The following CHN1 variants were observed in gnomAD, a reference collection of about 807,000 sequenced individuals.
CHN1 encodes the protein chimerin 1.
In CHN1, 37 loss-of-function variants were observed where a neutral mutation model predicts 59.5. The observed-to-expected ratio is 0.62, with a 90% CI of 0.48 to 0.82. CHN1 has a LOEUF of 0.82. Among genes scored for constraint, CHN1 ranks in the 40% least tolerant of loss-of-function variants. The pLI is 0.00. For synonymous variants in CHN1, 206 were observed against 200.4 expected, an observed-to-expected ratio of 1.03 and a Z score of -0.24; for missense variants, 469 against 571.0, an observed-to-expected ratio of 0.82 and a Z score of 1.82.
chr2:174,869,071 TA>T (rs1687318579), intron 6 of CHN1, among the ~76,000 whole-genome samples: 1 of 152,150 alleles, frequency 6.6e-6, no homozygotes, highest in Non-Finnish European at 1.5e-5. Flanking sequence ...AGTCAATGAT[TA>T]AAGGAGGGCT....
chr2:174,883,135 C>A (rs1574123620), intron 5 of CHN1, among the ~76,000 whole-genome samples: 1 of 152,196 alleles, frequency 6.6e-6, no homozygotes, highest in Admixed American at 6.5e-5. Context: ...GTGGAACTCA[C>A]ATAGCTCTGG....
intron 5 of CHN1, among the ~76,000 whole-genome samples, chr2:174,897,489 C>T (rs530976325): frequency 1.3e-5 from 2 of 148,340 alleles, no homozygotes; most frequent in African/African-American, 5.0e-5. Flanking sequence ...AGGTCTTAGA[C>T]GTGTTTGTTC....
At chr2:174,891,800 A>C (rs1421069454) in intron 5 of CHN1, among the ~76,000 whole-genome samples, 1 of 152,034 alleles carries the variant, frequency 6.6e-6, no homozygotes, top group East Asian at 1.9e-4. Context: ...CAAAATAGAC[A>C]CTAGAAAAAC....
At chr2:174,982,912 C>G (rs955018719) in intron 1 of CHN1, among the ~76,000 whole-genome samples, 54 of 152,044 alleles carry the variant, frequency 3.6e-4, no homozygotes, top group African/African-American at 1.3e-3. Flanking sequence ...CAATGAGATT[C>G]AGAAGCATTT....
intron 3 of CHN1, among the ~76,000 whole-genome samples, chr2:174,923,852 A>G (rs1284357848): frequency 6.6e-6 from 1 of 152,232 alleles, no homozygotes; most frequent in Non-Finnish European, 1.5e-5. Context: ...CTTTACCCAA[A>G]ATAATTTTGA....
At position 174,939,798 on chromosome 2, in the gene CHN1, TA is replaced by T. The variant is rs200050144; in HGVS notation, c.114+5089del. Among the ~76,000 whole-genome samples the T allele has an allele frequency of 8.1e-3, 1,239 of 152,272 alleles. 19 individuals carry two copies. Among genetic ancestry groups the T allele is most frequent in the African/African-American group, 0.028 (1,176 of 41,548 alleles). On this transcript the variant is annotated intron_variant, in intron 3 of 12. Coordinates refer to ENST00000409900, the MANE Select transcript of CHN1 (RefSeq NM_001822.7). The stretch of plus-strand genomic sequence containing the variant: ...AGGCAATAATCAAGTACCTCATACT[TA>T]ATTCTATGCTTACATATACACAGAC...
chr2:174,921,681 T>G (rs909174247), intron 3 of CHN1, among the ~76,000 whole-genome samples: 6 of 151,850 alleles, frequency 4.0e-5, no homozygotes, highest in Non-Finnish European at 8.8e-5. Context: ...AAACTTACAA[T>G]TATGGCAGAA....
chr2:174,939,520 G>A (rs545354069), intron 3 of CHN1, among the ~76,000 whole-genome samples: 5 of 151,806 alleles, frequency 3.3e-5, no homozygotes, highest in Non-Finnish European at 7.4e-5. Context: ...CATTTGTGAG[G>A]TCTCAAATTA....
At position 174,847,944 on chromosome 2, in the gene CHN1, T is replaced by C. The variant is rs150798558; in HGVS notation, c.550-987A>G. On this transcript the variant is annotated intron_variant, in intron 6 of 12. Coordinates refer to ENST00000409900, the MANE Select transcript of CHN1 (RefSeq NM_001822.7). ...TGCAGCACCACTGCCAGGTAAATTA[T>C]GAAAGGCTAATCTGTATCCTTTGCT... Among the ~76,000 whole-genome samples the C allele has an allele frequency of 9.6e-3, 1,468 of 152,272 alleles. 11 individuals carry two copies. The highest frequency in any genetic ancestry group is 0.024 in the South Asian group (115 of 4,828).
At chr2:174,898,798 C>A (rs986305067) in intron 5 of CHN1, among the ~76,000 whole-genome samples, 2 of 152,088 alleles carry the variant, frequency 1.3e-5, no homozygotes, top group African/African-American at 4.8e-5. Flanking sequence ...CCAACAGTGG[C>A]AGAAAATTCT....
chr2:174,837,997 C>T (rs1228035232), intron 7 of CHN1, among the ~76,000 whole-genome samples: 1 of 152,128 alleles, frequency 6.6e-6, no homozygotes, highest in African/African-American at 2.4e-5. Flanking sequence ...GAGTACTTGA[C>T]AACATAGACA....
intron 7 of CHN1, among the ~76,000 whole-genome samples, chr2:174,833,740 T>C (rs1685963641): frequency 6.6e-6 from 1 of 152,194 alleles, no homozygotes; most frequent in African/African-American, 2.4e-5. Context: ...TTATCTCCAC[T>C]GTTAGTTTAA....
At chr2:174,891,090 G>A (rs374929948) in intron 5 of CHN1, among the ~76,000 whole-genome samples, 3 of 126,942 alleles carry the variant, frequency 2.4e-5, no homozygotes, top group East Asian at 2.4e-4. Flanking sequence ...GCAGTGAGCC[G>A]AGATAGTGCC....
intron 5 of CHN1, among the ~76,000 whole-genome samples, chr2:174,903,345 G>A (rs1574146539): frequency 6.6e-6 from 1 of 152,164 alleles, no homozygotes; most frequent in Non-Finnish European, 1.5e-5. Flanking sequence ...GCAGACAATA[G>A]GGCAAACCTC....
chr2:174,913,213 G>C (rs2105368599), intron 5 of CHN1, among the ~76,000 whole-genome samples: 1 of 152,258 alleles, frequency 6.6e-6, no homozygotes, highest in Admixed American at 6.5e-5. Context: ...TCAAATTAAA[G>C]TTTTATAACT....
At chr2:174,839,009 T>C (rs976302691) in intron 7 of CHN1, among the ~76,000 whole-genome samples, 8 of 150,276 alleles carry the variant, frequency 5.3e-5, no homozygotes, top group African/African-American at 1.7e-4. Flanking sequence ...AGAGTGAGAC[T>C]CTGTCTTAAA....
rs184033575 is a variant in CHN1 at position 174,892,201 on chromosome 2, C to G, written c.261-14073G>C. On this transcript the variant is annotated intron_variant, in intron 5 of 12. Coordinates refer to ENST00000409900, the MANE Select transcript of CHN1 (RefSeq NM_001822.7). ...AGAATAATTGCCATTCCTTCTCAAA[C>G]TCTTCTAAAAATTTGAAGAGGAAGT... 2.0e-5 allele frequency among the ~76,000 whole-genome samples: 3 copies of G among 152,294 alleles called. No individual in the cohort carries two copies. The East Asian group carries it at 5.8e-4, about 29-fold the overall frequency.
chr2:174,847,813 G>T, intron 6 of CHN1: 1 of 497,982 alleles, frequency 2.0e-6, no homozygotes, highest in East Asian at 6.7e-5. Flanking sequence ...CAGTGGGAAG[G>T]TAATGAGAAA....
intron 2 of CHN1, among the ~76,000 whole-genome samples, chr2:174,945,942 T>TATATATATAA (rs1176610460): frequency 6.6e-6 from 1 of 151,532 alleles, no homozygotes; most frequent in African/African-American, 2.4e-5. Flanking sequence ...TATATATATA[T>TATATATATAA]AAATGTGTGT....
Sources: gnomAD v4.1 joint callset for allele counts (sites outside exome capture counted in the v4.1 genomes callset) on GRCh38, gnomAD v4.1.1 for gene constraint, MANE v1.5 for transcripts, NCBI Gene and HGNC (gene_info 2026-07-23, HGNC 2026-07-21) for gene names.